The following ADD1 variants were observed in gnomAD, a reference collection of about 807,000 sequenced individuals.
The protein encoded by ADD1 is adducin 1, also known as alpha-adducin.
In ADD1, 24 loss-of-function variants were observed where a neutral mutation model predicts 80.5. The ratio of observed to expected loss-of-function variants is 0.30; its 90% CI spans 0.22 to 0.42. ADD1 has a LOEUF of 0.42. Ranked by LOEUF, ADD1 falls within the 10% of genes least tolerant of loss-of-function variation. ADD1 has a pLI of 1.00. For synonymous variants in ADD1, 373 were observed against 393.8 expected, an observed-to-expected ratio of 0.95 and a Z score of 0.63; for missense variants, 948 against 1,019.0, an observed-to-expected ratio of 0.93 and a Z score of 0.95.
rs190447377 is a variant in ADD1, at chr4:2,888,239, T to C, written c.510+3573T>C. On this transcript the variant is annotated intron_variant, in intron 4 of 15. Transcript: ENST00000683351. The stretch of plus-strand genomic sequence containing the variant: ...GCGCAGGTGTGCACCACCATGCCAC[T>C]AGCTGATTTTAGTATTTTTAGTAGA... 2.0e-3 allele frequency among the ~76,000 whole-genome samples: 307 copies of C among 151,388 alleles called. 4 individuals are homozygous for C. The highest frequency in any genetic ancestry group is 3.4e-3 in the Non-Finnish European group (232 of 67,864).
intron 2 of ADD1, 160 bp downstream of exon 2, chr4:2,876,270 T>G: frequency 5.2e-6 from 3 of 574,640 alleles, no homozygotes; most frequent in Non-Finnish European, 8.5e-6. Context: ...TTCAGTTCAG[T>G]TCATGTTATC....
At chr4:2,862,628 C>G (rs1348676949) in intron 1 of ADD1, among the ~76,000 whole-genome samples, 1 of 152,184 alleles carries the variant, frequency 6.6e-6, no homozygotes, top group Non-Finnish European at 1.5e-5. Context: ...CCTTCCTTAG[C>G]TGTCCCCTTC....
intron 1 of ADD1, chr4:2,855,070 C>T (rs1435260382): frequency 6.6e-6 from 1 of 152,132 alleles, no homozygotes; most frequent in Non-Finnish European, 1.5e-5. Context: ...TAAATCTCCC[C>T]CACCTCGATT....
In ADD1 at chr4:2,884,680, G is replaced by T; in HGVS notation, c.510+14G>T. 1 of 1,587,758 alleles carries T rather than the reference G, an allele frequency of 6.3e-7. No individual in the cohort carries two copies. The highest frequency in any genetic ancestry group is 8.6e-7 in the Non-Finnish European group (1 of 1,162,336). ...AATCATATCACAGTGAGTATTAAAT[G>T]GGCTAGTAACTGAACGATAAATGAA... On this transcript the variant is annotated intron_variant, in intron 4 of 15. Transcript: ENST00000683351.
intron 1 of ADD1, among the ~76,000 whole-genome samples, chr4:2,864,058 A>AG (rs1729191561): frequency 6.6e-6 from 1 of 152,230 alleles, no homozygotes; most frequent in Non-Finnish European, 1.5e-5. Context: ...ACAATCTCCG[A>AG]GGACCTACAT....
chr4:2,924,124 T>C (rs990062368), intron 14 of ADD1, among the ~76,000 whole-genome samples: 1 of 152,254 alleles, frequency 6.6e-6, no homozygotes, highest in East Asian at 1.9e-4. Context: ...CAGCCTGTAC[T>C]TCTCTTGGTA....
At chr4:2,848,773 G>A (rs1414305946) in intron 1 of ADD1, among the ~76,000 whole-genome samples, 1 of 152,046 alleles carries the variant, frequency 6.6e-6, no homozygotes, top group African/African-American at 2.4e-5. Context: ...CACTGCACCT[G>A]ACCTGTTTCC....
At chr4:2,918,419 A>T (rs1182434387) in intron 14 of ADD1, among the ~76,000 whole-genome samples, 1 of 152,214 alleles carries the variant, frequency 6.6e-6, no homozygotes, top group Non-Finnish European at 1.5e-5. Flanking sequence ...TTGGGCTGAG[A>T]TGATGGGGTT....
At chr4:2,880,463 C>CTTTTTTTTTTTTTTT (rs1167878841) in intron 2 of ADD1, among the ~76,000 whole-genome samples, 1 of 63,162 alleles carries the variant, frequency 1.6e-5, no homozygotes, top group African/African-American at 6.3e-5. Context: ...TTCTTTCTTT[C>CTTTTTTTTTTTTTTT]TTTTTTTTTT....
chr4:2,878,408 A>G (rs182647242), intron 2 of ADD1, among the ~76,000 whole-genome samples: 231 of 152,184 alleles, frequency 1.5e-3, no homozygotes, highest in African/African-American at 5.4e-3. Context: ...GATGGGGTGG[A>G]AGAAGTGAAA....
In ADD1 at chr4:2,848,477, TA is replaced by T. The variant is rs550417546; in HGVS notation, c.-21+4454del. On this transcript the variant is annotated intron_variant, in intron 1 of 15. Coordinates refer to ENST00000683351, the MANE Select transcript of ADD1 (RefSeq NM_001354761.2). ...TGAGCATATATTTATTTAATTAATTTATTTTTTTTGAGACAGACTCTTGCTC... is the reference window on the plus strand; with the variant it reads ...TGAGCATATATTTATTTAATTAATTTTTTTTTTTGAGACAGACTCTTGCTC... Among the ~76,000 whole-genome samples the T allele has an allele frequency of 1.3e-3, 193 of 152,284 alleles. 1 individual carries two copies. Among genetic ancestry groups the T allele is most frequent in the African/African-American group, 4.4e-3 (181 of 41,560 alleles).
intron 15 of ADD1, among the ~76,000 whole-genome samples, chr4:2,927,864 C>G (rs762840874): frequency 2.6e-5 from 4 of 152,078 alleles, no homozygotes; most frequent in Admixed American, 1.3e-4. Context: ...CTCCTTTAGT[C>G]GTCCTCAGCT....
At chr4:2,904,718 T>C in intron 9 of ADD1, 46 bp from the exon 10 acceptor site, 1 of 1,547,018 alleles carries the variant, frequency 6.5e-7, no homozygotes, top group South Asian at 1.1e-5. Flanking sequence ...AAACCCTGTT[T>C]TGAGATCTGG....
Position 2,926,745 on chromosome 4 carries a change from G to C in ADD1, c.2047+633G>C, listed in dbSNP as rs1398192542. ...TGCCTCATTCTCCTGCTTCTTTGTT[G>C]TTTATTAAGTTTTGTTTTCTGTTTA... On this transcript the variant is annotated intron_variant, in intron 15 of 15. Coordinates refer to ENST00000683351, the MANE Select transcript of ADD1 (RefSeq NM_001354761.2). The surrounding 1 kb of genome is among the most constrained non-coding windows in gnomAD (Gnocchi z 5.0). 2.0e-6 allele frequency: 3 copies of C among 1,496,524 alleles called. No homozygotes were observed. Among genetic ancestry groups the C allele is most frequent in the Non-Finnish European group, 2.7e-6 (3 of 1,094,282 alleles). 92.7% of individuals were successfully genotyped at this position (1,496,524 alleles called of 1,614,324 possible). A position where few individuals can be genotyped will look rare whatever the true frequency, so the allele number is the denominator to read the frequency against.
At chr4:2,851,986 G>C (rs1269316529) in intron 1 of ADD1, among the ~76,000 whole-genome samples, 1 of 151,986 alleles carries the variant, frequency 6.6e-6, no homozygotes, top group African/African-American at 2.4e-5. Flanking sequence ...TTACAGGCAT[G>C]CATCACTACG....
chr4:2,855,802 G>A (rs1727966757), intron 1 of ADD1, among the ~76,000 whole-genome samples: 3 of 151,656 alleles, frequency 2.0e-5, no homozygotes, highest in Non-Finnish European at 4.4e-5. Context: ...CTGAGCTTTA[G>A]TGATCCTCCC....
intron 13 of ADD1, among the ~76,000 whole-genome samples, chr4:2,911,450 T>TATATA (rs67360075): frequency 7.1e-5 from 8 of 112,482 alleles, no homozygotes; most frequent in African/African-American, 3.0e-4. Flanking sequence ...ATATATATAT[T>TATATA]TTTTTTTTTT....
intron 1 of ADD1, among the ~76,000 whole-genome samples, chr4:2,865,166 T>C (rs904960712): frequency 6.6e-5 from 10 of 151,864 alleles, no homozygotes; most frequent in African/African-American, 2.4e-4. Flanking sequence ...TACACTATTT[T>C]CTCTTGTTTT....
At chr4:2,897,414 A>G (rs986245257) in intron 6 of ADD1, among the ~76,000 whole-genome samples, 2 of 148,854 alleles carry the variant, frequency 1.3e-5, no homozygotes, top group Admixed American at 1.3e-4. Flanking sequence ...TTGTATATAT[A>G]TAATTACATT....
Sources: allele counts gnomAD v4.1 joint callset (sites outside exome capture counted in the v4.1 genomes callset), GRCh38; gene constraint gnomAD v4.1.1; non-coding constraint Gnocchi (gnomAD v3.1); transcripts MANE v1.5; gene names NCBI Gene and HGNC (gene_info 2026-07-23, HGNC 2026-07-21).